ALDH1A2: variants seen among roughly 807,000 people sequenced by gnomAD.
ALDH1A2 encodes retinal dehydrogenase 2.
In ALDH1A2, 27 loss-of-function variants were observed where a neutral mutation model predicts 60.3. The observed-to-expected ratio is 0.45, with a 90% CI of 0.33 to 0.62. ALDH1A2 has a LOEUF of 0.62. Ranked by LOEUF, ALDH1A2 falls within the 20% of genes least tolerant of loss-of-function variation. The pLI is 0.02. For synonymous variants in ALDH1A2, 289 were observed against 232.4 expected, an observed-to-expected ratio of 1.24 and a Z score of -2.21; for missense variants, 581 against 643.8, an observed-to-expected ratio of 0.90 and a Z score of 1.06.
chr15:57,974,216 G>A (rs1031133521), intron 7 of ALDH1A2, among the ~76,000 whole-genome samples: 2 of 152,054 alleles, frequency 1.3e-5, no homozygotes, highest in Non-Finnish European at 2.9e-5. Flanking sequence ...GGTGGATCAC[G>A]TGGTCAGGAG....
rs1893444877 is a variant in ALDH1A2, at chr15:57,954,343, A to G, written c.*854T>C. ...TTATCAAATTCTTGGGCCTACTCGG[A>G]TTGTTTTTTGGTTGGTTCTAAGAAA... is the stretch of plus-strand genomic sequence containing the variant. On this transcript the variant is annotated 3_prime_UTR_variant, in exon 13 of 13. Coordinates refer to ENST00000249750, the MANE Select transcript of ALDH1A2 (RefSeq NM_003888.4). The G allele has an allele frequency of 6.5e-6, 1 of 152,722 alleles. No individual in the cohort carries two copies. The highest frequency in any genetic ancestry group is 1.5e-5 in the Non-Finnish European group (1 of 68,036). 9.5% of individuals were successfully genotyped at this position (152,722 alleles called of 1,614,324 possible).
intron 7 of ALDH1A2, chr15:57,990,300 T>C (rs1894849775): frequency 6.6e-6 from 1 of 152,214 alleles, no homozygotes; most frequent in Non-Finnish European, 1.5e-5. Flanking sequence ...TGTACACATA[T>C]ACGTGTGTGT....
intron 8 of ALDH1A2, chr15:57,964,463 G>T: frequency 5.4e-6 from 1 of 184,030 alleles, no homozygotes; most frequent in Admixed American, 5.5e-5. Flanking sequence ...TGAGCCCCAG[G>T]TTGCCAGATC....
intron 1 of ALDH1A2, among the ~76,000 whole-genome samples, chr15:58,016,500 C>T (rs1013292579): frequency 2.0e-5 from 3 of 152,108 alleles, no homozygotes; most frequent in Admixed American, 6.5e-5. Context: ...ACTGATATTT[C>T]ATGACTTTTG....
chr15:58,000,269 C>T (rs1055362593), intron 4 of ALDH1A2, among the ~76,000 whole-genome samples: 2 of 151,850 alleles, frequency 1.3e-5, no homozygotes, highest in Non-Finnish European at 2.9e-5. Flanking sequence ...AAAGGTGACA[C>T]CCCTAGTCTG....
intron 7 of ALDH1A2, among the ~76,000 whole-genome samples, chr15:57,969,942 G>C (rs1449234465): frequency 1.3e-5 from 2 of 152,176 alleles, no homozygotes; most frequent in African/African-American, 4.8e-5. Context: ...GGCTTCTAAT[G>C]AATCTTCAAT....
Position 57,955,143 on chromosome 15 carries a change from A to T in ALDH1A2, c.*54T>A. Reference sequence around the variant, plus strand: ...TTCCTGAGAGCTGGGCCCTACAGAGAAAGCAGAGAGGGACAGACGTGCAGG... The same window carrying T: ...TTCCTGAGAGCTGGGCCCTACAGAGTAAGCAGAGAGGGACAGACGTGCAGG... On this transcript the variant is annotated 3_prime_UTR_variant, in exon 13 of 13. Coordinates refer to ENST00000249750, the MANE Select transcript of ALDH1A2 (RefSeq NM_003888.4). 6.4e-7 allele frequency: 1 copy of T among 1,553,398 alleles called. No homozygotes were observed. Among genetic ancestry groups the T allele is most frequent in the Non-Finnish European group, 8.9e-7 (1 of 1,124,740 alleles).
chr15:57,967,991 A>C (rs1449422862), intron 7 of ALDH1A2, among the ~76,000 whole-genome samples: 1 of 152,158 alleles, frequency 6.6e-6, no homozygotes, highest in African/African-American at 2.4e-5. Context: ...ACCGAAGGGC[A>C]ACTGGGGAAA....
At chr15:58,002,875 T>C (rs1426186730) in intron 4 of ALDH1A2, among the ~76,000 whole-genome samples, 1 of 151,890 alleles carries the variant, frequency 6.6e-6, no homozygotes, top group Non-Finnish European at 1.5e-5. Flanking sequence ...GTATGTACTG[T>C]AGCAGATTCC....
intron 7 of ALDH1A2, chr15:57,980,179 G>A (rs540051291): frequency 7.4e-5 from 21 of 283,936 alleles, no homozygotes; most frequent in Non-Finnish European, 1.3e-4. Flanking sequence ...TCATGGCGGC[G>A]TCACTGAAGT....
At chr15:58,030,224 G>C (rs1253109042) in intron 1 of ALDH1A2, among the ~76,000 whole-genome samples, 2 of 152,158 alleles carry the variant, frequency 1.3e-5, no homozygotes, top group Non-Finnish European at 2.9e-5. Context: ...GGGATGCAAG[G>C]CTGGTTCAAC....
intron 3 of ALDH1A2, among the ~76,000 whole-genome samples, chr15:58,011,245 G>C (rs1162801722): frequency 6.6e-6 from 1 of 152,014 alleles, no homozygotes; most frequent in Non-Finnish European, 1.5e-5. Context: ...GAATATCCAT[G>C]GTGCACAGCA....
At chr15:57,994,357 C>G (rs1894985051) in intron 5 of ALDH1A2, among the ~76,000 whole-genome samples, 1 of 152,176 alleles carries the variant, frequency 6.6e-6, no homozygotes, top group African/African-American at 2.4e-5. Flanking sequence ...AGTTATACTA[C>G]TGTACTTTGA....
At chr15:58,000,900 C>A (rs1269383907) in intron 4 of ALDH1A2, among the ~76,000 whole-genome samples, 1 of 151,722 alleles carries the variant, frequency 6.6e-6, no homozygotes, top group Non-Finnish European at 1.5e-5. Flanking sequence ...TATTATGATG[C>A]CCTATGGTTG....
chr15:57,968,375 C>CT (rs1893960174), intron 7 of ALDH1A2, among the ~76,000 whole-genome samples: 2 of 152,146 alleles, frequency 1.3e-5, no homozygotes, highest in Admixed American at 1.3e-4. Flanking sequence ...ACCAGGCTCC[C>CT]CAGCTGGTTC....
chr15:58,054,143 A>G (rs1460687667), intron 1 of ALDH1A2, among the ~76,000 whole-genome samples: 2 of 152,158 alleles, frequency 1.3e-5, no homozygotes, highest in East Asian at 3.9e-4. Context: ...CATTTCATGC[A>G]AACAGGTAAA....
intron 7 of ALDH1A2, among the ~76,000 whole-genome samples, chr15:57,977,729 C>A (rs1894312499): frequency 6.6e-6 from 1 of 152,072 alleles, no homozygotes; most frequent in African/African-American, 2.4e-5. Context: ...AATTTAAAGT[C>A]GTTTTTTCTA....
intron 7 of ALDH1A2, among the ~76,000 whole-genome samples, chr15:57,979,261 C>T (rs1210691884): frequency 6.6e-6 from 1 of 152,168 alleles, no homozygotes; most frequent in African/African-American, 2.4e-5. Flanking sequence ...ACCCTCTCCA[C>T]TGTCCCCACC....
At chr15:57,956,270 C>A (rs940348628) in intron 12 of ALDH1A2, among the ~76,000 whole-genome samples, 1 of 152,156 alleles carries the variant, frequency 6.6e-6, no homozygotes, top group Non-Finnish European at 1.5e-5. Context: ...CCAAGTTCTA[C>A]CCTGTTGTCA....
Sources: gnomAD v4.1 joint callset for allele counts (sites outside exome capture counted in the v4.1 genomes callset) on GRCh38, gnomAD v4.1.1 for gene constraint, MANE v1.5 for transcripts, NCBI Gene and HGNC (gene_info 2026-07-23, HGNC 2026-07-21) for gene names.